The following INPP4B variants were observed in gnomAD, a reference collection of about 807,000 sequenced individuals.
INPP4B encodes the protein inositol polyphosphate-4-phosphatase type II B.
Under a neutral mutation model 122.5 loss-of-function variants are expected in INPP4B, and 55 were observed. That is an observed-to-expected ratio of 0.45 (90% CI 0.36 to 0.56). The LOEUF is 0.56. Ranked by LOEUF, INPP4B falls within the 20% of genes least tolerant of loss-of-function variation. The probability of loss-of-function intolerance (pLI) is 0.00; values close to 1 mark genes in which losing one functional copy is unlikely to be tolerated. For missense variants in INPP4B, 1,000 were observed against 1,097.7 expected, an observed-to-expected ratio of 0.91 and a Z score of 1.26; for synonymous variants, 403 against 388.7, an observed-to-expected ratio of 1.04 and a Z score of -0.43.
intron 2 of INPP4B, among the ~76,000 whole-genome samples, chr4:142,610,174 T>A (rs1330800678): frequency 6.6e-6 from 1 of 152,140 alleles, no homozygotes; most frequent in Non-Finnish European, 1.5e-5. Context: ...CTCATGGTAG[T>A]AAATAAGTCT....
chr4:142,789,667 G>A (rs1776260418), intron 1 of INPP4B, among the ~76,000 whole-genome samples: 1 of 151,968 alleles, frequency 6.6e-6, no homozygotes, highest in East Asian at 1.9e-4. Context: ...ACTGCCAAAA[G>A]CAATCTATAA....
chr4:142,804,985 A>T (rs1720733355), intron 1 of INPP4B, among the ~76,000 whole-genome samples: 1 of 151,988 alleles, frequency 6.6e-6, no homozygotes, highest in Non-Finnish European at 1.5e-5. Flanking sequence ...AGAGGGCAGG[A>T]CTCTATCTGT....
rs370689592 is a variant in INPP4B at position 142,381,636 on chromosome 4, A to T, written c.372+21302T>A. Among the ~76,000 whole-genome samples, 131 of 152,234 alleles carry T rather than the reference A, an allele frequency of 8.6e-4. 3 individuals are homozygous for T. In the South Asian group the frequency reaches 0.027, roughly 32 times the overall value. ...CCTACTCCTTGCCTCTAGATTGTACAAATAGTCTTTCAGATTAACTTGCAG... is the reference window on the plus strand; with the variant it reads ...CCTACTCCTTGCCTCTAGATTGTACTAATAGTCTTTCAGATTAACTTGCAG... On this transcript the variant is annotated intron_variant, in intron 7 of 25. Transcript: ENST00000262992.
intron 7 of INPP4B, among the ~76,000 whole-genome samples, chr4:142,328,992 A>G (rs1773467511): frequency 6.6e-6 from 1 of 152,130 alleles, no homozygotes; most frequent in Non-Finnish European, 1.5e-5. Flanking sequence ...CTGAACCACT[A>G]AGACTCCCTG....
chr4:142,717,960 CGAA>C (rs1764017257), intron 2 of INPP4B, among the ~76,000 whole-genome samples: 1 of 127,450 alleles, frequency 7.8e-6, no homozygotes, highest in African/African-American at 3.0e-5. Flanking sequence ...GTCTCTGAAA[CGAA>C]GAACAAGATG....
intron 1 of INPP4B, among the ~76,000 whole-genome samples, chr4:142,816,188 T>A (rs1780094010): frequency 6.6e-6 from 1 of 152,144 alleles, no homozygotes; most frequent in East Asian, 1.9e-4. Context: ...GGAATAGATA[T>A]CTTATTGAAG....
intron 2 of INPP4B, among the ~76,000 whole-genome samples, chr4:142,553,286 C>A (rs1220835707): frequency 6.6e-6 from 1 of 152,210 alleles, no homozygotes; most frequent in Non-Finnish European, 1.5e-5. Context: ...TCCACATTCC[C>A]ACTCTCTTTT....
chr4:142,107,509 G>C (rs1369756255), intron 23 of INPP4B, among the ~76,000 whole-genome samples: 2 of 152,134 alleles, frequency 1.3e-5, no homozygotes, highest in Non-Finnish European at 2.9e-5. Flanking sequence ...ATGGGGAAAA[G>C]AAATGTAGAA....
intron 2 of INPP4B, among the ~76,000 whole-genome samples, chr4:142,652,172 C>A (rs990028222): frequency 3.3e-5 from 5 of 152,106 alleles, no homozygotes; most frequent in Admixed American, 1.3e-4. Flanking sequence ...ATTCGACAGC[C>A]CTTCATGCTA....
intron 2 of INPP4B, among the ~76,000 whole-genome samples, chr4:142,626,962 A>T (rs534895190): frequency 6.6e-6 from 1 of 152,062 alleles, no homozygotes; most frequent in Non-Finnish European, 1.5e-5. Flanking sequence ...AGCCTCAAGT[A>T]GCTAGGTATG....
At chr4:142,204,550 C>T (rs1267110798) in intron 14 of INPP4B, among the ~76,000 whole-genome samples, 2 of 151,942 alleles carry the variant, frequency 1.3e-5, no homozygotes, top group Admixed American at 6.6e-5. Flanking sequence ...ACTTGTACCT[C>T]GCAAGAAAGA....
chr4:142,135,639 C>T (rs576332875), intron 18 of INPP4B, among the ~76,000 whole-genome samples: 2 of 152,172 alleles, frequency 1.3e-5, no homozygotes, highest in African/African-American at 4.8e-5. Context: ...CATTGCAAGC[C>T]TTGCAGAAAG....
At chr4:142,607,082 A>C (rs1741431753) in intron 2 of INPP4B, among the ~76,000 whole-genome samples, 1 of 151,938 alleles carries the variant, frequency 6.6e-6, no homozygotes, top group Non-Finnish European at 1.5e-5. Context: ...ATATGGTATT[A>C]TAATGAAAAT....
intron 2 of INPP4B, among the ~76,000 whole-genome samples, chr4:142,629,154 G>T (rs986143387): frequency 3.3e-5 from 5 of 151,946 alleles, no homozygotes; most frequent in African/African-American, 1.2e-4. Context: ...GCCCAAGTCT[G>T]CTGGAAAAGT....
rs755316687 is a variant in INPP4B, at chr4:142,122,214, G to A, written c.2049C>T (p.Ala683=). ...SDEIGMLEDM[A]VGISDLKKVA... ...CTTTCTTTAAATCGGAAATGCCAAC[G>A]GCCATGTCCTCTAGCATTCCAATTT... Residue 683 remains alanine, a synonymous_variant, in exon 21 of 26, where the codon GCC becomes GCT. Coordinates refer to ENST00000262992, the MANE Select transcript of INPP4B (RefSeq NM_001101669.3). 171 of 1,611,100 alleles carry A rather than the reference G, an allele frequency of 1.1e-4. No homozygotes were observed. Among genetic ancestry groups the A allele is most frequent in the East Asian group, 4.5e-5 (2 of 44,682 alleles).
chr4:142,231,762 T>C (rs141684501), intron 12 of INPP4B, among the ~76,000 whole-genome samples: 3 of 152,266 alleles, frequency 2.0e-5, no homozygotes, highest in East Asian at 1.9e-4. Flanking sequence ...AACACTTCTA[T>C]AGAGTGATGG....
chr4:142,027,075 G>A lies in INPP4B; in HGVS notation c.*1707C>T, dbSNP rs896338123. ...ATTTAATCACTAAAATAAAGAATGA[G>A]TTAAGAGAACATCAAGGTAATTTTG... On this transcript the variant is annotated 3_prime_UTR_variant, in exon 26 of 26. Transcript: ENST00000262992. 6.6e-6 allele frequency: 1 copy of A among 152,094 alleles called. No individual in the cohort carries two copies. The highest frequency in any genetic ancestry group is 1.9e-4 in the East Asian group (1 of 5,186). 9.4% of individuals were successfully genotyped at this position (152,094 alleles called of 1,614,324 possible).
chr4:142,572,570 A>C (rs1560816730), intron 2 of INPP4B, among the ~76,000 whole-genome samples: 1 of 152,234 alleles, frequency 6.6e-6, no homozygotes, highest in African/African-American at 2.4e-5. Context: ...CTCAGTTTGT[A>C]GTAGGATTGG....
At chr4:142,814,249 T>C (rs1316236248) in intron 1 of INPP4B, among the ~76,000 whole-genome samples, 1 of 152,136 alleles carries the variant, frequency 6.6e-6, no homozygotes, top group African/African-American at 2.4e-5. Flanking sequence ...AAAAACAAAA[T>C]GTCAGTGGAA....
Sources: allele counts gnomAD v4.1 joint callset (sites outside exome capture counted in the v4.1 genomes callset), GRCh38; gene constraint gnomAD v4.1.1; transcripts MANE v1.5; gene names NCBI Gene and HGNC (gene_info 2026-07-23, HGNC 2026-07-21).